PDE1C: variants seen among roughly 807,000 people sequenced by gnomAD.
The protein encoded by PDE1C is phosphodiesterase 1C, also known as dual specificity calcium/calmodulin-dependent 3',5'-cyclic nucleotide phosphodiesterase 1C.
Under a neutral mutation model 93.1 loss-of-function variants are expected in PDE1C, and 62 were observed. That is an observed-to-expected ratio of 0.67 (90% CI 0.54 to 0.82). PDE1C has a LOEUF of 0.82. Among genes scored for constraint, PDE1C ranks in the 40% least tolerant of loss-of-function variants. PDE1C has a pLI of 0.00. For missense variants in PDE1C, 742 were observed against 884.6 expected, an observed-to-expected ratio of 0.84 and a Z score of 2.04; for synonymous variants, 325 against 310.1, an observed-to-expected ratio of 1.05 and a Z score of -0.50.
intron 2 of PDE1C, among the ~76,000 whole-genome samples, chr7:31,942,453 G>A (rs1805983562): frequency 6.6e-6 from 1 of 152,136 alleles, no homozygotes; most frequent in South Asian, 2.1e-4. Context: ...GCAGGATGTT[G>A]TTGAAGCTAT....
At chr7:31,803,728 C>T (rs1786401519) in intron 16 of PDE1C, among the ~76,000 whole-genome samples, 1 of 151,960 alleles carries the variant, frequency 6.6e-6, no homozygotes. Context: ...GACATGAACG[C>T]ATCATTTTTT....
chr7:31,926,323 TTAAA>T (rs966039014), intron 2 of PDE1C, among the ~76,000 whole-genome samples: 2 of 152,160 alleles, frequency 1.3e-5, no homozygotes, highest in Non-Finnish European at 2.9e-5. Flanking sequence ...GTCATGAGAA[TTAAA>T]TAAACTGAAG....
At chr7:32,428,051 C>A (rs1785574071) in exon 1 of PDE1C, 1 of 152,370 alleles carries the variant, frequency 6.6e-6, no homozygotes, top group Non-Finnish European at 1.5e-5. Flanking sequence ...CAGCCGGTGG[C>A]GCCTCAGGCT....
chr7:32,052,379 C>A, intron 1 of PDE1C: 1 of 460,174 alleles, frequency 2.2e-6, no homozygotes, highest in East Asian at 6.5e-5. Flanking sequence ...GAGTGGCAGA[C>A]AAGGAGAAAA....
intron 2 of PDE1C, among the ~76,000 whole-genome samples, chr7:32,175,097 A>T (rs77866355): frequency 0.013 from 1,980 of 152,238 alleles, 47 homozygotes; most frequent in African/African-American, 0.045. Context: ...ACAAAGATAC[A>T]CATTCATGAG....
the PDE1C span, among the ~76,000 whole-genome samples, chr7:31,668,494 T>TA: frequency 0.046 from 6,989 of 151,032 alleles, 498 homozygotes; most frequent in African/African-American, 0.16. Flanking sequence ...TCTTCAGCAA[T>TA]AAAAAAAAAA....
intron 3 of PDE1C, among the ~76,000 whole-genome samples, chr7:32,104,352 A>C (rs937708155): frequency 6.6e-6 from 1 of 152,200 alleles, no homozygotes; most frequent in Non-Finnish European, 1.5e-5. Flanking sequence ...TAATACAAAA[A>C]CCCAAAAGCA....
intron 6 of PDE1C, among the ~76,000 whole-genome samples, chr7:31,865,966 C>CAAATATTCTGATATTGCAAATA (rs1388393497): frequency 1.2e-4 from 18 of 152,278 alleles, no homozygotes; most frequent in African/African-American, 4.3e-4. Context: ...CTACCAGTCA[C>CAAATATTCTGATATTGCAAATA]TCAGAATATT....
At chr7:31,771,748 T>C (rs1238206825) in intron 17 of PDE1C, among the ~76,000 whole-genome samples, 1 of 152,176 alleles carries the variant, frequency 6.6e-6, no homozygotes, top group African/African-American at 2.4e-5. Flanking sequence ...TGAAGTCCAA[T>C]TTATCTATTG....
intron 1 of PDE1C, among the ~76,000 whole-genome samples, chr7:32,234,595 G>C (rs1406148954): frequency 6.6e-6 from 1 of 151,858 alleles, no homozygotes; most frequent in Non-Finnish European, 1.5e-5. Context: ...AATTATTCTA[G>C]AACTATTAAA....
intron 1 of PDE1C, among the ~76,000 whole-genome samples, chr7:32,401,555 AAG>A (rs1240494843): frequency 1.3e-5 from 2 of 152,038 alleles, no homozygotes; most frequent in African/African-American, 4.8e-5. Flanking sequence ...AAAAGAAAGA[AAG>A]AAAGAAAAAA....
At chr7:32,416,270 C>A (rs1376277) in intron 1 of PDE1C, among the ~76,000 whole-genome samples, 27,214 of 152,192 alleles carry the variant, frequency 0.18, 5,211 homozygotes, top group African/African-American at 0.48. Context: ...ACAGAGACTC[C>A]GTGGGTGCTC....
intron 2 of PDE1C, among the ~76,000 whole-genome samples, chr7:31,942,748 T>G (rs1181200979): frequency 6.6e-6 from 1 of 152,194 alleles, no homozygotes; most frequent in East Asian, 1.9e-4. Context: ...TTGCTATCCT[T>G]GGGACACGTT....
At chr7:31,817,089 T>G (rs1788367123) in intron 14 of PDE1C, among the ~76,000 whole-genome samples, 1 of 152,078 alleles carries the variant, frequency 6.6e-6, no homozygotes, top group African/African-American at 2.4e-5. Context: ...CATAATTAAG[T>G]AAACAAATGA....
intron 1 of PDE1C, among the ~76,000 whole-genome samples, chr7:32,415,748 G>A (rs1005601975): frequency 3.4e-4 from 52 of 152,224 alleles, no homozygotes; most frequent in African/African-American, 1.2e-3. Flanking sequence ...CTTCTCCCTC[G>A]GGAGCACACA....
At chr7:32,401,447 G>C (rs113029644) in intron 1 of PDE1C, among the ~76,000 whole-genome samples, 5,875 of 151,476 alleles carry the variant, frequency 0.039, 280 homozygotes, top group African/African-American at 0.12. Flanking sequence ...TGAGGCAGGA[G>C]AATCACTTTA....
At chr7:32,355,986 T>G (rs1784022880) in intron 1 of PDE1C, among the ~76,000 whole-genome samples, 1 of 152,260 alleles carries the variant, frequency 6.6e-6, no homozygotes, top group African/African-American at 2.4e-5. Context: ...TTCACTGGGA[T>G]GTGTTCCTCA....
rs984989192 is a variant in PDE1C at position 32,110,278 on chromosome 7, C to T, written c.308+59507G>A. Among the ~76,000 whole-genome samples, 14 of 152,318 alleles carry T rather than the reference C, an allele frequency of 9.2e-5. No homozygotes were observed. The East Asian group carries it at 1.9e-3, about 21-fold the overall frequency. On this transcript the variant is annotated intron_variant, in intron 3 of 18. Coordinates refer to the PDE1C transcript ENST00000396193. ...CTTGCAGAAGGATTGTACCCATCCTCTCTCCATGTGCAGGTATCTCCTCTA... is the reference window on the plus strand; with the variant it reads ...CTTGCAGAAGGATTGTACCCATCCTTTCTCCATGTGCAGGTATCTCCTCTA...
intron 2 of PDE1C, among the ~76,000 whole-genome samples, chr7:31,963,714 C>A (rs1809416494): frequency 6.6e-6 from 1 of 152,156 alleles, no homozygotes; most frequent in Admixed American, 6.5e-5. Flanking sequence ...AATTGGTTTC[C>A]TTGCAAGAGA....
Sources: allele counts gnomAD v4.1 joint callset (sites outside exome capture counted in the v4.1 genomes callset), GRCh38; gene constraint gnomAD v4.1.1; transcripts MANE v1.5; gene names NCBI Gene and HGNC (gene_info 2026-07-23, HGNC 2026-07-21).